The following CMKLR2 variants were observed in gnomAD, a reference collection of about 807,000 sequenced individuals.
The protein encoded by CMKLR2 is chemerin chemokine-like receptor 2.
In CMKLR2, 18 loss-of-function variants were observed where a neutral mutation model predicts 23.0. The observed-to-expected ratio is 0.78, with a 90% CI of 0.54 to 1.16. The LOEUF (loss-of-function observed/expected upper bound fraction) is 1.16, where lower values mean the gene tolerates loss of function less well. Among genes scored for constraint, CMKLR2 ranks in the 50% most tolerant of loss-of-function variants. The pLI, the probability that CMKLR2 is intolerant of heterozygous loss-of-function variation, is 0.00. For missense variants in CMKLR2, 401 were observed against 412.7 expected (o/e 0.97, Z 0.25); for synonymous variants, 158 against 158.9 (o/e 0.99, Z 0.05).
chr2:206,214,165 A>ATTTTTTTTTTTT (rs34307347), upstream of CMKLR2, among the ~76,000 whole-genome samples: 228 of 64,934 alleles, frequency 3.5e-3, 15 homozygotes, highest in Non-Finnish European at 4.2e-3. Context: ...TAAAGACTTG[A>ATTTTTTTTTTTT]TTTTTTTTTT....
At chr2:206,193,841 T>C (rs1405013037) in intron 1 of CMKLR2, among the ~76,000 whole-genome samples, 1 of 152,116 alleles carries the variant, frequency 6.6e-6, no homozygotes, top group Non-Finnish European at 1.5e-5. Context: ...CTGGGGAACA[T>C]GGTGGAAATT....
At chr2:206,214,320 C>T (rs563821421), upstream of CMKLR2, among the ~76,000 whole-genome samples, 34 of 152,006 alleles carry the variant, frequency 2.2e-4, no homozygotes, top group South Asian at 6.7e-3. Flanking sequence ...TACAGGCATG[C>T]GCCACCATGC....
chr2:206,187,745 A>G (rs115104415), intron 1 of CMKLR2, among the ~76,000 whole-genome samples: 1 of 152,182 alleles, frequency 6.6e-6, no homozygotes, highest in Non-Finnish European at 1.5e-5. Context: ...GCACACACAT[A>G]TATACATATG....
At chr2:206,209,145 C>T (rs1185795877) in intron 1 of CMKLR2, among the ~76,000 whole-genome samples, 1 of 152,042 alleles carries the variant, frequency 6.6e-6, no homozygotes, top group African/African-American at 2.4e-5. Flanking sequence ...GGAGACCAGC[C>T]TGGCCAACAT....
chr2:206,202,633 T>G (rs1264501977), intron 1 of CMKLR2, among the ~76,000 whole-genome samples: 2 of 152,090 alleles, frequency 1.3e-5, no homozygotes, highest in African/African-American at 2.4e-5. Flanking sequence ...ACTAACCTGG[T>G]TAAGGCTGGA....
chr2:206,200,068 T>C (rs959942580), intron 1 of CMKLR2, among the ~76,000 whole-genome samples: 2 of 152,230 alleles, frequency 1.3e-5, no homozygotes, highest in Non-Finnish European at 2.9e-5. Flanking sequence ...TTAATCACCC[T>C]GTCCCAGAAA....
At chr2:206,188,432 T>C (rs1688649378) in intron 1 of CMKLR2, among the ~76,000 whole-genome samples, 2 of 152,198 alleles carry the variant, frequency 1.3e-5, no homozygotes, top group South Asian at 2.1e-4. Flanking sequence ...TCTTAAACCA[T>C]ATGTGCTGCT....
chr2:206,194,744 C>CTTTTTTT (rs745647131), intron 1 of CMKLR2, among the ~76,000 whole-genome samples: 1 of 76,820 alleles, frequency 1.3e-5, no homozygotes, highest in Non-Finnish European at 2.6e-5. Context: ...CCATCATAGA[C>CTTTTTTT]TTTTTTTTTT....
At chr2:206,200,474 C>T (rs1261983003) in intron 1 of CMKLR2, among the ~76,000 whole-genome samples, 1 of 152,174 alleles carries the variant, frequency 6.6e-6, no homozygotes, top group East Asian at 1.9e-4. Context: ...GATATAGGCA[C>T]ATATCTGCAC....
At chr2:206,196,190 C>T (rs1008474731) in intron 1 of CMKLR2, among the ~76,000 whole-genome samples, 3 of 151,868 alleles carry the variant, frequency 2.0e-5, no homozygotes, top group Non-Finnish European at 4.4e-5. Context: ...GCCTGGCAAA[C>T]GCAGTGAAAC....
In CMKLR2 at chr2:206,196,291, T is replaced by C. The variant is rs150427138; in HGVS notation, c.-29+17016A>G. ...TTGGAGGTCGAGGCAGGAGAATCGC[T>C]GGAACCCTGGAGGCACAGGTTGCAG... On this transcript the variant is annotated intron_variant, in intron 1 of 1. Coordinates refer to ENST00000621141, the MANE Select transcript of CMKLR2 (RefSeq NM_001389445.1). Among the ~76,000 whole-genome samples the C allele has an allele frequency of 2.8e-3, 421 of 152,138 alleles. 3 individuals are homozygous for C. The highest frequency in any genetic ancestry group is 9.9e-3 in the African/African-American group (410 of 41,504).
chr2:206,186,788 CTTTTTTTTTT>C lies in CMKLR2; in HGVS notation c.-28-9523_-28-9514del, dbSNP rs532845990. Among the ~76,000 whole-genome samples, 26 of 129,430 alleles carry C rather than the reference CTTTTTTTTTT, an allele frequency of 2.0e-4. 1 individual carries two copies. Among genetic ancestry groups the C allele is most frequent in the Admixed American group, 7.1e-4 (9 of 12,654 alleles). The allele number at this position is 129,430 out of a possible 152,430, so 84.9% of individuals were successfully genotyped here. A position where few individuals can be genotyped will look rare whatever the true frequency, so the allele number is the denominator to read the frequency against. The stretch of plus-strand genomic sequence containing the variant: ...GGTGCTGCTGGTAAGACTCTGCTGC[CTTTTTTTTTT>C]TTTTTTTTTAAGACAGGGGTTTTGC... On this transcript the variant is annotated intron_variant, in intron 1 of 1. Coordinates refer to ENST00000621141, the MANE Select transcript of CMKLR2 (RefSeq NM_001389445.1).
At chr2:206,215,301 T>C (rs1475023414), upstream of CMKLR2, among the ~76,000 whole-genome samples, 1 of 152,230 alleles carries the variant, frequency 6.6e-6, no homozygotes. Context: ...GCAGTATTAG[T>C]ATTTACTATA....
upstream of CMKLR2, chr2:206,213,562 C>A (rs895544757): frequency 6.6e-6 from 1 of 152,100 alleles, no homozygotes; most frequent in African/African-American, 2.4e-5. Context: ...CAAATTAATT[C>A]TTTCGACCAG....
At chr2:206,205,676 A>C (rs1452029343) in intron 1 of CMKLR2, among the ~76,000 whole-genome samples, 2 of 151,364 alleles carry the variant, frequency 1.3e-5, no homozygotes, top group Non-Finnish European at 2.9e-5. Context: ...CCACTTTTAC[A>C]CAGTGTTCGG....
rs35488030 is a variant in CMKLR2 at position 206,203,161 on chromosome 2, C to CAAAAAAAAAAA, written c.-29+10135_-29+10145dup. ...TGAAACCCAGTCTCTTCTAAAACTA[C>CAAAAAAAAAAA]AAAAAAAAAAAAAAAAATTAGCCGG... On this transcript the variant is annotated intron_variant, in intron 1 of 1. Transcript: ENST00000621141. 1.6e-4 allele frequency among the ~76,000 whole-genome samples: 19 copies of CAAAAAAAAAAA among 119,024 alleles called. 1 individual carries two copies. The highest frequency in any genetic ancestry group is 2.7e-4 in the Non-Finnish European group (16 of 58,748). 78.1% of individuals were successfully genotyped at this position (119,024 alleles called of 152,430 possible). A position where few individuals can be genotyped will look rare whatever the true frequency, so the allele number is the denominator to read the frequency against.
At chr2:206,185,275 T>C (rs775453046) in intron 1 of CMKLR2, among the ~76,000 whole-genome samples, 1 of 152,198 alleles carries the variant, frequency 6.6e-6, no homozygotes, top group East Asian at 1.9e-4. Flanking sequence ...CTTAAGCCAC[T>C]GCACCCAGCC....
At chr2:206,198,105 G>A (rs920797667) in intron 1 of CMKLR2, among the ~76,000 whole-genome samples, 7 of 152,154 alleles carry the variant, frequency 4.6e-5, no homozygotes, top group African/African-American at 1.4e-4. Flanking sequence ...GAAGAGCAGC[G>A]TAGGACCTTG....
intron 1 of CMKLR2, among the ~76,000 whole-genome samples, chr2:206,194,277 A>C (rs559056585): frequency 6.6e-6 from 1 of 152,178 alleles, no homozygotes; most frequent in Non-Finnish European, 1.5e-5. Flanking sequence ...CGTACAGATT[A>C]TGCTTGAAAA....
Sources: allele counts gnomAD v4.1 joint callset (sites outside exome capture counted in the v4.1 genomes callset), GRCh38; gene constraint gnomAD v4.1.1; transcripts MANE v1.5; gene names NCBI Gene and HGNC (gene_info 2026-07-23, HGNC 2026-07-21).